The following ANK3 variants were observed in gnomAD, a reference collection of about 807,000 sequenced individuals.
ANK3 encodes the protein ankyrin 3, also known as ankyrin-3.
In ANK3, 57 loss-of-function variants were observed where a neutral mutation model predicts 370.9. The ratio of observed to expected loss-of-function variants is 0.15; its 90% CI spans 0.12 to 0.19. ANK3 has a LOEUF of 0.19. ANK3 is among the 10% of genes least tolerant of loss of function. ANK3 has a pLI of 1.00. For synonymous variants in ANK3, 1,929 were observed against 1,946.3 expected, an observed-to-expected ratio of 0.99 and a Z score of 0.23; for missense variants, 4,439 against 5,302.1, an observed-to-expected ratio of 0.84 and a Z score of 5.06.
chr10:60,372,203 C>T (rs1421191349), intron 1 of ANK3, among the ~76,000 whole-genome samples: 1 of 152,130 alleles, frequency 6.6e-6, no homozygotes, highest in Non-Finnish European at 1.5e-5. Flanking sequence ...AAACAAAGTT[C>T]CCATGAAAAT....
chr10:60,032,194 C>CTTTTT (rs552219776), intron 43 of ANK3, among the ~76,000 whole-genome samples: 916 of 43,070 alleles, frequency 0.021, 202 homozygotes, highest in African/African-American at 0.069. Flanking sequence ...TACACAGCTT[C>CTTTTT]TTTTTTTTTT....
intron 2 of ANK3, among the ~76,000 whole-genome samples, chr10:60,536,418 A>G (rs2076725959): frequency 1.3e-5 from 2 of 152,102 alleles, no homozygotes; most frequent in East Asian, 3.9e-4. Flanking sequence ...GAGAAATGCC[A>G]CCTGAAATTC....
intron 1 of ANK3, among the ~76,000 whole-genome samples, chr10:60,682,460 C>A (rs995182603): frequency 1.3e-5 from 2 of 151,772 alleles, no homozygotes; most frequent in African/African-American, 4.8e-5. Flanking sequence ...CAGTTCCTGG[C>A]TCCGGACTCC....
At chr10:60,618,156 A>G (rs1344364341) in intron 1 of ANK3, among the ~76,000 whole-genome samples, 2 of 152,122 alleles carry the variant, frequency 1.3e-5, no homozygotes, top group Non-Finnish European at 2.9e-5. Context: ...GCCTGAATGC[A>G]CACCCACGTT....
intron 25 of ANK3, among the ~76,000 whole-genome samples, chr10:60,131,364 T>C (rs2094057922): frequency 6.6e-6 from 1 of 152,236 alleles, no homozygotes; most frequent in Non-Finnish European, 1.5e-5. Flanking sequence ...GGAATGCCTA[T>C]GTGGGTATTC....
At chr10:60,634,815 A>AG (rs1276396423) in intron 1 of ANK3, among the ~76,000 whole-genome samples, 1 of 151,720 alleles carries the variant, frequency 6.6e-6, no homozygotes, top group Non-Finnish European at 1.5e-5. Flanking sequence ...ACAACTCCGG[A>AG]CGCGCCACCT....
At chr10:60,518,633 T>C (rs1417330) in intron 2 of ANK3, among the ~76,000 whole-genome samples, 18,831 of 152,160 alleles carry the variant, frequency 0.12, 1,333 homozygotes, top group South Asian at 0.25. Context: ...CCGATGGTGA[T>C]TCTTTATCAC....
At chr10:60,275,272 C>T (rs1021579401) in intron 4 of ANK3, among the ~76,000 whole-genome samples, 27 of 152,156 alleles carry the variant, frequency 1.8e-4, no homozygotes, top group African/African-American at 6.3e-4. Flanking sequence ...ATATTCAATA[C>T]CTTCTGCTCT....
intron 18 of ANK3, among the ~76,000 whole-genome samples, chr10:60,176,379 A>G (rs4614388): frequency 2.7e-5 from 4 of 150,536 alleles, no homozygotes; most frequent in African/African-American, 7.4e-5. Context: ...AAAAAAAAAA[A>G]AAAAAGAAAG....
intron 21 of ANK3, among the ~76,000 whole-genome samples, chr10:60,171,215 T>C (rs2095784304): frequency 6.6e-6 from 1 of 152,188 alleles, no homozygotes; most frequent in Admixed American, 6.5e-5. Flanking sequence ...TCGGAATGGG[T>C]GCTGCTTGAC....
chr10:60,354,467 C>T (rs1200246330), intron 1 of ANK3, among the ~76,000 whole-genome samples: 1 of 152,202 alleles, frequency 6.6e-6, no homozygotes, highest in Non-Finnish European at 1.5e-5. Context: ...CAAAAAAAGA[C>T]AGATACTATC....
At chr10:60,320,909 G>T (rs994026482) in intron 1 of ANK3, among the ~76,000 whole-genome samples, 4 of 152,076 alleles carry the variant, frequency 2.6e-5, no homozygotes, top group African/African-American at 9.7e-5. Context: ...TATGTGTAGG[G>T]TGACAAAATC....
At chr10:60,342,659 G>A (rs115712137) in intron 1 of ANK3, among the ~76,000 whole-genome samples, 8 of 152,284 alleles carry the variant, frequency 5.3e-5, no homozygotes, top group African/African-American at 1.4e-4. Context: ...ATCTCAGTGA[G>A]CAGTGGTTCA....
At chr10:60,152,987 C>T (rs2095201034) in intron 23 of ANK3, among the ~76,000 whole-genome samples, 1 of 152,164 alleles carries the variant, frequency 6.6e-6, no homozygotes, top group Admixed American at 6.6e-5. Flanking sequence ...GGTTTACATC[C>T]TACAGAAATG....
At position 60,067,968 on chromosome 10, in the gene ANK3, T is replaced by C. The variant is rs777534350; in HGVS notation, c.12286A>G (p.Ile4096Val). ...PCERTDIRMAIVADHLGLSWT... is the reference protein window; with the variant it reads ...PCERTDIRMAVVADHLGLSWT... ...CTAAGTCCCAGGTGATCGGCTACTA[T>C]TGCCATCCTGATATCTGTCCGTTCA... The change falls in exon 38 of 44, where the codon ATA becomes GTA. Residue 4096 changes from isoleucine (I) to valine (V), a missense_variant. Around this residue, in one of 13 missense-constraint regions of ANK3, gnomAD observed 99 missense variants for 150.7 expected, o/e 0.66. Coordinates refer to ENST00000280772, the MANE Select transcript of ANK3 (RefSeq NM_020987.5). The C allele has an allele frequency of 6.2e-7, 1 of 1,610,846 alleles. No individual in the cohort carries two copies. Among genetic ancestry groups the C allele is most frequent in the African/African-American group, 1.3e-5 (1 of 75,020 alleles).
chr10:60,437,439 C>A (rs2064186283), intron 2 of ANK3, among the ~76,000 whole-genome samples: 1 of 152,220 alleles, frequency 6.6e-6, no homozygotes, highest in Admixed American at 6.5e-5. Context: ...TGTAGGGGAA[C>A]CCTGCAGTGC....
intron 24 of ANK3, among the ~76,000 whole-genome samples, chr10:60,136,101 A>G (rs1382732561): frequency 6.6e-6 from 1 of 151,748 alleles, no homozygotes; most frequent in Non-Finnish European, 1.5e-5. Flanking sequence ...TTTTTTCCCC[A>G]GTTTCAATTG....
chr10:60,443,450 T>C (rs1403519110), intron 2 of ANK3, among the ~76,000 whole-genome samples: 1 of 151,962 alleles, frequency 6.6e-6, no homozygotes, highest in Non-Finnish European at 1.5e-5. Context: ...ATAGTGAAAG[T>C]GAAAAAAGAT....
At chr10:60,189,816 A>G (rs547651168) in intron 16 of ANK3, among the ~76,000 whole-genome samples, 20 of 152,362 alleles carry the variant, frequency 1.3e-4, no homozygotes, top group African/African-American at 4.8e-4. Context: ...AAATTAAAAT[A>G]AAAGCAAATG....
Sources: gnomAD v4.1 joint callset for allele counts (sites outside exome capture counted in the v4.1 genomes callset) on GRCh38, gnomAD v4.1.1 for gene constraint, gnomAD v4.1.1 regional missense constraint, MANE v1.5 for transcripts, NCBI Gene and HGNC (gene_info 2026-07-23, HGNC 2026-07-21) for gene names.